The following THSD7B variants were observed in gnomAD, a reference collection of about 807,000 sequenced individuals.
THSD7B encodes the protein thrombospondin type 1 domain containing 7B.
THSD7B carries 138 observed loss-of-function variants against 213.6 expected under a neutral mutation model. The observed-to-expected ratio is 0.65, with a 90% CI of 0.56 to 0.74. The LOEUF (loss-of-function observed/expected upper bound fraction) is 0.74, where lower values mean the gene tolerates loss of function less well. Ranked by LOEUF, THSD7B falls within the 30% of genes least tolerant of loss-of-function variation. THSD7B has a pLI of 0.00. For synonymous variants in THSD7B, 742 were observed against 687.0 expected (o/e 1.08, Z -1.25); for missense variants, 1,931 against 1,991.5 (o/e 0.97, Z 0.58).
At chr2:137,627,485 T>C (rs1264138895) in intron 20 of THSD7B, among the ~76,000 whole-genome samples, 2 of 152,220 alleles carry the variant, frequency 1.3e-5, no homozygotes, top group Non-Finnish European at 2.9e-5. Context: ...AAAGCAGTTT[T>C]CTAGAAGTCC....
chr2:137,243,407 A>G lies in THSD7B; in HGVS notation c.2266+835A>G, dbSNP rs1681958132. Among the ~76,000 whole-genome samples the G allele has an allele frequency of 2.0e-5, 3 of 152,212 alleles. No homozygotes were observed. In the South Asian group the frequency reaches 6.2e-4, roughly 32 times the overall value. On this transcript the variant is annotated intron_variant, in intron 10 of 27. Transcript: ENST00000409968. ...ATCCAAGAAAAGGAAAGACAGAAAGAATATTACCTCTAATGCCCAGAGTTC... is the reference window on the plus strand; with the variant it reads ...ATCCAAGAAAAGGAAAGACAGAAAGGATATTACCTCTAATGCCCAGAGTTC...
At chr2:137,314,870 A>T (rs1462127381) in intron 12 of THSD7B, among the ~76,000 whole-genome samples, 1 of 152,182 alleles carries the variant, frequency 6.6e-6, no homozygotes, top group Non-Finnish European at 1.5e-5. Flanking sequence ...CCGTTCTCAG[A>T]TCTCCAGCTG....
At chr2:137,459,160 T>A (rs12472253) in intron 15 of THSD7B, among the ~76,000 whole-genome samples, 82,058 of 150,316 alleles carry the variant, frequency 0.55, 25,010 homozygotes, top group East Asian at 0.79. Flanking sequence ...CAGTATCTTT[T>A]AAAAAAAAAA....
intron 14 of THSD7B, 105 bp from the exon 15 acceptor site, chr2:137,450,740 C>G (rs1687632266): frequency 2.3e-6 from 2 of 855,588 alleles, no homozygotes; most frequent in African/African-American, 3.5e-5. Context: ...GAAGCCACTA[C>G]AGCAATATTG....
intron 12 of THSD7B, among the ~76,000 whole-genome samples, chr2:137,340,993 T>G (rs1388098993): frequency 6.7e-6 from 1 of 150,104 alleles, no homozygotes; most frequent in African/African-American, 2.4e-5. Context: ...TTTTTTTTTT[T>G]TTTTTTTGAG....
At chr2:137,514,100 C>T (rs1243639904) in intron 15 of THSD7B, among the ~76,000 whole-genome samples, 1 of 151,990 alleles carries the variant, frequency 6.6e-6, no homozygotes, top group South Asian at 2.1e-4. Context: ...ACCTTGCATC[C>T]TCTCTTACTG....
At chr2:137,552,095 C>T (rs1680859106) in intron 15 of THSD7B, among the ~76,000 whole-genome samples, 1 of 152,150 alleles carries the variant, frequency 6.6e-6, no homozygotes, top group African/African-American at 2.4e-5. Context: ...CATAGGCCTG[C>T]TCTTGCTTTA....
intron 7 of THSD7B, among the ~76,000 whole-genome samples, chr2:137,219,573 G>A (rs115172845): frequency 3.5e-3 from 528 of 152,208 alleles, no homozygotes; most frequent in Non-Finnish European, 6.4e-3. Context: ...GCTGAAAAAT[G>A]TGTTAGAGTG....
chr2:137,293,506 CTCTA>C (rs1486026782), intron 12 of THSD7B, among the ~76,000 whole-genome samples: 1 of 151,482 alleles, frequency 6.6e-6, no homozygotes, highest in Non-Finnish European at 1.5e-5. Context: ...TTCTCTCTCT[CTCTA>C]TCTTTCTATC....
intron 7 of THSD7B, among the ~76,000 whole-genome samples, chr2:137,225,029 T>C (rs1681464552): frequency 6.6e-6 from 1 of 152,228 alleles, no homozygotes. Context: ...TAGCCTTTGC[T>C]CTATGTTCTC....
At chr2:137,518,371 A>G (rs997958336) in intron 15 of THSD7B, among the ~76,000 whole-genome samples, 1 of 152,212 alleles carries the variant, frequency 6.6e-6, no homozygotes, top group Non-Finnish European at 1.5e-5. Flanking sequence ...AATTTCAAGC[A>G]CTGTGCCTGG....
intron 2 of THSD7B, among the ~76,000 whole-genome samples, chr2:136,910,512 G>A (rs554064901): frequency 6.6e-6 from 1 of 152,254 alleles, no homozygotes; most frequent in East Asian, 1.9e-4. Flanking sequence ...CATGGGTTTT[G>A]GGATTATTGA....
At chr2:136,867,811 G>A (rs1683368163) in intron 1 of THSD7B, among the ~76,000 whole-genome samples, 1 of 152,034 alleles carries the variant, frequency 6.6e-6, no homozygotes, top group Admixed American at 6.6e-5. Flanking sequence ...TCTTTCTCTG[G>A]GAGAAATTGC....
rs568019920 is a variant in THSD7B, at chr2:137,626,508, G to A, written c.3799+5782G>A. ...AAAAGAAAAAGAAAATGCCTTCAGG[G>A]CTTTTTTTCCATTGTTCTCACCATT... On this transcript the variant is annotated intron_variant, in intron 20 of 27. Coordinates refer to ENST00000409968, the MANE Select transcript of THSD7B (RefSeq NM_001316349.2). 1.1e-3 allele frequency among the ~76,000 whole-genome samples: 173 copies of A among 151,414 alleles called. 2 individuals carry two copies. Among genetic ancestry groups the A allele is most frequent in the Non-Finnish European group, 5.5e-4 (37 of 67,866 alleles).
intron 17 of THSD7B, among the ~76,000 whole-genome samples, chr2:137,582,442 A>G (rs1434294987): frequency 6.6e-6 from 1 of 151,136 alleles, no homozygotes; most frequent in Non-Finnish European, 1.5e-5. Flanking sequence ...TGCACCCATT[A>G]ACTCCTCATT....
intron 9 of THSD7B, among the ~76,000 whole-genome samples, chr2:137,234,417 G>A (rs1011022165): frequency 1.6e-4 from 25 of 152,318 alleles, no homozygotes; most frequent in African/African-American, 2.4e-4. Context: ...CCCAAGCTCC[G>A]TTATGGGAAA....
chr2:136,870,810 T>A (rs191825281), intron 1 of THSD7B, among the ~76,000 whole-genome samples: 56 of 152,354 alleles, frequency 3.7e-4, no homozygotes, highest in African/African-American at 1.3e-3. Flanking sequence ...TCTTAGATTT[T>A]ATCCTGTGAT....
intron 2 of THSD7B, among the ~76,000 whole-genome samples, chr2:136,934,277 A>C (rs912609319): frequency 2.0e-5 from 3 of 152,172 alleles, no homozygotes; most frequent in Non-Finnish European, 2.9e-5. Flanking sequence ...TTCTATACTT[A>C]TTGCATTGCC....
chr2:137,562,161 A>G (rs1357572319), intron 15 of THSD7B, among the ~76,000 whole-genome samples: 1 of 152,136 alleles, frequency 6.6e-6, no homozygotes. Flanking sequence ...GGATAGTGCA[A>G]CCTAGTTATC....
Sources: allele counts gnomAD v4.1 joint callset (sites outside exome capture counted in the v4.1 genomes callset), GRCh38; gene constraint gnomAD v4.1.1; transcripts MANE v1.5; gene names NCBI Gene and HGNC (gene_info 2026-07-23, HGNC 2026-07-21).